The following SLC35F2 variants were observed in gnomAD, a reference collection of about 807,000 sequenced individuals.
SLC35F2 encodes the protein solute carrier family 35 member F2, also known as queuine/queuosine transporter SLC35F2.
SLC35F2 carries 25 observed loss-of-function variants against 38.1 expected under a neutral mutation model. The observed-to-expected ratio is 0.66, with a 90% CI of 0.48 to 0.92. The LOEUF (loss-of-function observed/expected upper bound fraction) is 0.92. SLC35F2 is among the 40% of genes least tolerant of loss of function. SLC35F2 has a pLI of 0.00. For missense variants in SLC35F2, 409 were observed against 452.9 expected, an observed-to-expected ratio of 0.90 and a Z score of 0.88; for synonymous variants, 173 against 181.7, an observed-to-expected ratio of 0.95 and a Z score of 0.38.
intron 7 of SLC35F2, among the ~76,000 whole-genome samples, chr11:107,800,896 A>G (rs1443169364): frequency 1.5e-5 from 2 of 132,048 alleles, no homozygotes; most frequent in Non-Finnish European, 3.1e-5. Flanking sequence ...AGTGAAAGCT[A>G]TTACTACTTT....
chr11:107,837,525 TA>T (rs57873203), intron 1 of SLC35F2, among the ~76,000 whole-genome samples: 302 of 121,808 alleles, frequency 2.5e-3, no homozygotes, highest in East Asian at 0.013. Context: ...CTGTCTCTAC[TA>T]AAAAAAAAAA....
At chr11:107,843,715 T>TAG (rs750383333) in intron 1 of SLC35F2, among the ~76,000 whole-genome samples, 4 of 150,888 alleles carry the variant, frequency 2.7e-5, no homozygotes, top group Non-Finnish European at 5.9e-5. Context: ...AAATTAGGTC[T>TAG]AGAGATGCAC....
chr11:107,838,703 A>G (rs544117402), intron 1 of SLC35F2, among the ~76,000 whole-genome samples: 1 of 140,638 alleles, frequency 7.1e-6, no homozygotes, highest in Non-Finnish European at 1.5e-5. Flanking sequence ...ATCTCATCTC[A>G]CTGCAACCTC....
chr11:107,810,930 A>G (rs1859470290), intron 3 of SLC35F2: 1 of 973,478 alleles, frequency 1.0e-6, no homozygotes. Context: ...TTCAAATCCC[A>G]CATCTGATAC....
At chr11:107,801,276 A>G (rs1859304067) in intron 7 of SLC35F2, among the ~76,000 whole-genome samples, 1 of 152,214 alleles carries the variant, frequency 6.6e-6, no homozygotes, top group Admixed American at 6.5e-5. Context: ...TTGCAAGTGC[A>G]CAATGAAATG....
chr11:107,794,000 C>A (rs1164161964), intron 7 of SLC35F2, among the ~76,000 whole-genome samples: 1 of 151,578 alleles, frequency 6.6e-6, no homozygotes, highest in African/African-American at 2.4e-5. Context: ...TAAATAAATT[C>A]TATTAAGAAT....
intron 1 of SLC35F2, among the ~76,000 whole-genome samples, chr11:107,820,261 A>T (rs970884149): frequency 3.1e-5 from 4 of 128,488 alleles, no homozygotes; most frequent in Admixed American, 7.3e-5. Flanking sequence ...CCCAAAAAAT[A>T]AAAAAAAAAA....
chr11:107,817,738 A>G (rs1231082911), intron 1 of SLC35F2, among the ~76,000 whole-genome samples: 1 of 152,068 alleles, frequency 6.6e-6, no homozygotes, highest in Non-Finnish European at 1.5e-5. Context: ...TATAATCAAC[A>G]TGTATCCGTG....
intron 4 of SLC35F2, 84 bp downstream of exon 4, chr11:107,806,633 T>C: frequency 7.7e-7 from 1 of 1,304,534 alleles, no homozygotes. Context: ...AATACTCCAG[T>C]AAACAAGTTT....
intron 1 of SLC35F2, among the ~76,000 whole-genome samples, chr11:107,842,263 A>AAAAAAAAAAC: frequency 7.1e-6 from 1 of 141,440 alleles, no homozygotes; most frequent in South Asian, 2.2e-4. Context: ...CTCACAAAAA[A>AAAAAAAAAAC]AAAAAAAAAA....
Position 107,803,144 on chromosome 11 carries a change from C to A in SLC35F2, c.796G>T (p.Val266Leu). 1 of 1,607,278 alleles carries A rather than the reference C, an allele frequency of 6.2e-7. No individual in the cohort carries two copies. The highest frequency in any genetic ancestry group is 8.5e-7 in the Non-Finnish European group (1 of 1,178,056). ...HWDWKIALLF[V>L]AFALCMFCLY... Reference sequence around the variant, plus strand: ...CAAAACATACACAGGGCAAATGCCACGAACAGCAGGGCTGTGGAAAAAAAC... The same window carrying A: ...CAAAACATACACAGGGCAAATGCCAAGAACAGCAGGGCTGTGGAAAAAAAC... The change falls in exon 7 of 8, where the codon GTG (valine) becomes TTG (leucine). Residue 266 changes from valine to leucine, a missense_variant. By Grantham distance (32) the Val-to-Leu change is conservative. Transcript: ENST00000525815.
At chr11:107,822,374 G>A (rs1859685872) in intron 1 of SLC35F2, among the ~76,000 whole-genome samples, 1 of 152,168 alleles carries the variant, frequency 6.6e-6, no homozygotes, top group South Asian at 2.1e-4. Flanking sequence ...GATTTCCAAT[G>A]AAAATATATT....
intron 1 of SLC35F2, among the ~76,000 whole-genome samples, chr11:107,841,114 G>T (rs1279187837): frequency 6.6e-6 from 1 of 152,176 alleles, no homozygotes; most frequent in African/African-American, 2.4e-5. Flanking sequence ...CAAGAACGAG[G>T]ATTATCGGGG....
intron 3 of SLC35F2, chr11:107,811,016 T>C (rs955503710): frequency 2.0e-6 from 2 of 985,122 alleles, no homozygotes; most frequent in Non-Finnish European, 2.4e-6. Flanking sequence ...GGCATTTGAG[T>C]CTATCTCACT....
At chr11:107,837,908 C>G (rs560260777) in intron 1 of SLC35F2, among the ~76,000 whole-genome samples, 2 of 149,682 alleles carry the variant, frequency 1.3e-5, no homozygotes, top group African/African-American at 4.9e-5. Flanking sequence ...CACCCACCCA[C>G]CCCCACCTTA....
At chr11:107,803,776 AACACACACAC>A (rs71047623) in intron 6 of SLC35F2, among the ~76,000 whole-genome samples, 1 of 149,474 alleles carries the variant, frequency 6.7e-6, no homozygotes, top group Non-Finnish European at 1.5e-5. Flanking sequence ...TCCCATACTC[AACACACACAC>A]ACACACACAC....
At chr11:107,817,028 A>G (rs911793670) in intron 1 of SLC35F2, among the ~76,000 whole-genome samples, 1 of 152,178 alleles carries the variant, frequency 6.6e-6, no homozygotes, top group Non-Finnish European at 1.5e-5. Context: ...CTGTAACCCC[A>G]GTACTTTGGG....
chr11:107,805,285 C>G lies in SLC35F2; in HGVS notation c.731+74G>C, dbSNP rs748652805. On this transcript the variant is annotated intron_variant, in intron 5 of 7. Transcript: ENST00000525815. ...CAAATGTGAATTTGGGCCAAATAAA[C>G]AATGAATATTAGTAGTTATCATCTA... 499 of 1,467,832 alleles carry G rather than the reference C, an allele frequency of 3.4e-4. 1 individual carries two copies. The highest frequency in any genetic ancestry group is 4.0e-4 in the Non-Finnish European group (437 of 1,103,092). 90.9% of individuals were successfully genotyped at this position (1,467,832 alleles called of 1,614,324 possible). A position where few individuals can be genotyped will look rare whatever the true frequency, so the allele number is the denominator to read the frequency against.
intron 7 of SLC35F2, among the ~76,000 whole-genome samples, chr11:107,799,469 A>G (rs1277540004): frequency 1.3e-5 from 2 of 152,254 alleles, no homozygotes; most frequent in Non-Finnish European, 2.9e-5. Flanking sequence ...AAATGCAGCC[A>G]CGGCATCACA....
Sources: allele counts gnomAD v4.1 joint callset (sites outside exome capture counted in the v4.1 genomes callset), GRCh38; gene constraint gnomAD v4.1.1; transcripts MANE v1.5; gene names NCBI Gene and HGNC (gene_info 2026-07-23, HGNC 2026-07-21).